PLEKHH2: variants seen among roughly 807,000 people sequenced by gnomAD.
PLEKHH2 encodes pleckstrin homology, MyTH4 and FERM domain containing H2, also known as pleckstrin homology domain-containing family H member 2.
PLEKHH2 carries 129 observed loss-of-function variants against 187.9 expected under a neutral mutation model. The observed-to-expected ratio is 0.69, with a 90% CI of 0.59 to 0.79. The LOEUF (loss-of-function observed/expected upper bound fraction) is 0.79, where lower values mean the gene tolerates loss of function less well. PLEKHH2 is among the 30% of genes least tolerant of loss of function. PLEKHH2 has a pLI of 0.00. For synonymous variants in PLEKHH2, 686 were observed against 605.6 expected, an observed-to-expected ratio of 1.13 and a Z score of -1.95; for missense variants, 2,076 against 1,751.2, an observed-to-expected ratio of 1.19 and a Z score of -3.31.
chr2:43,696,605 A>T (rs928942099), intron 6 of PLEKHH2, among the ~76,000 whole-genome samples: 1 of 151,972 alleles, frequency 6.6e-6, no homozygotes, highest in South Asian at 2.1e-4. Context: ...TCTTTAAAGA[A>T]GTGATTAAAG....
At chr2:43,715,117 A>ACCT (rs1670151118) in intron 15 of PLEKHH2, among the ~76,000 whole-genome samples, 1 of 151,926 alleles carries the variant, frequency 6.6e-6, no homozygotes, top group Admixed American at 6.6e-5. Context: ...GTCTACTAAA[A>ACCT]ATACAAAAAT....
chr2:43,743,588 A>G (rs189810016), intron 22 of PLEKHH2, among the ~76,000 whole-genome samples: 101 of 152,334 alleles, frequency 6.6e-4, no homozygotes, highest in Non-Finnish European at 1.1e-3. Flanking sequence ...ATAGCTGTCA[A>G]CTGATCATTC....
In PLEKHH2 at chr2:43,726,275, C is replaced by T; in HGVS notation, c.2545C>T (p.Pro849Ser). ...YYFRSQEDKF[P>S]LGQIKLWEAK... Reference sequence around the variant, plus strand: ...CAATTACTAATATTTACTTTAGTTTCCTTTAGGTCAGATCAAACTCTGGGA... The same window carrying T: ...CAATTACTAATATTTACTTTAGTTTTCTTTAGGTCAGATCAAACTCTGGGA... Residue 849 changes from proline (P) to serine (S), a missense_variant, in exon 17 of 30, where the codon CCT (proline) becomes TCT (serine). Coordinates refer to ENST00000282406, the MANE Select transcript of PLEKHH2 (RefSeq NM_172069.4). 3 of 1,600,718 alleles carry T rather than the reference C, an allele frequency of 1.9e-6. No homozygotes were observed. Among genetic ancestry groups the T allele is most frequent in the Non-Finnish European group, 1.7e-6 (2 of 1,168,660 alleles).
At chr2:43,672,408 A>C (rs575248436) in intron 2 of PLEKHH2, among the ~76,000 whole-genome samples, 39 of 151,462 alleles carry the variant, frequency 2.6e-4, no homozygotes, top group Admixed American at 1.6e-3. Context: ...TTAGTTTTTA[A>C]ATTTCTGTTG....
intron 2 of PLEKHH2, among the ~76,000 whole-genome samples, chr2:43,678,504 TG>T (rs1667983354): frequency 6.6e-6 from 1 of 152,120 alleles, no homozygotes; most frequent in Admixed American, 6.5e-5. Context: ...GGTTAGGAGC[TG>T]GAGACCAGCC....
intron 9 of PLEKHH2, among the ~76,000 whole-genome samples, chr2:43,704,307 C>T (rs1271496043): frequency 6.6e-6 from 1 of 152,008 alleles, no homozygotes; most frequent in South Asian, 2.1e-4. Context: ...TGAAAAAGTT[C>T]TAGAGGTCTG....
chr2:43,723,386 A>G lies in PLEKHH2; in HGVS notation c.2541+2637A>G, dbSNP rs190215445. Among the ~76,000 whole-genome samples, 407 of 152,344 alleles carry G rather than the reference A, an allele frequency of 2.7e-3. 1 individual carries two copies. The highest frequency in any genetic ancestry group is 9.5e-3 in the African/African-American group (394 of 41,586). On this transcript the variant is annotated intron_variant, in intron 16 of 29. Coordinates refer to ENST00000282406, the MANE Select transcript of PLEKHH2 (RefSeq NM_172069.4). ...CTCCAAGACATAAAGGTGAACACTTATACACCAAACTGGACAAAGTGTAGT... is the reference window on the plus strand; with the variant it reads ...CTCCAAGACATAAAGGTGAACACTTGTACACCAAACTGGACAAAGTGTAGT...
chr2:43,710,874 G>T, intron 14 of PLEKHH2: 2 of 1,142,182 alleles, frequency 1.8e-6, no homozygotes, highest in Non-Finnish European at 2.1e-6. Context: ...CTATTTTAAG[G>T]AAGGGTTATC....
At chr2:43,749,452 T>C (rs1383887774) in intron 24 of PLEKHH2, among the ~76,000 whole-genome samples, 1 of 152,196 alleles carries the variant, frequency 6.6e-6, no homozygotes, top group Non-Finnish European at 1.5e-5. Context: ...GTACATGTTC[T>C]CAGGACCTCC....
At chr2:43,711,557 ATTT>A in intron 14 of PLEKHH2, 1 of 973,476 alleles carries the variant, frequency 1.0e-6, no homozygotes, top group Non-Finnish European at 1.2e-6. Flanking sequence ...AAACTATGCT[ATTT>A]TATTATAGTC....
At chr2:43,744,197 A>G in intron 23 of PLEKHH2, 1 of 1,107,164 alleles carries the variant, frequency 9.0e-7, no homozygotes, top group Non-Finnish European at 1.2e-6. Flanking sequence ...CACATTCCAT[A>G]TTAAAGAGAG....
chr2:43,689,009 C>G (rs1357704887), intron 3 of PLEKHH2, among the ~76,000 whole-genome samples: 3 of 152,122 alleles, frequency 2.0e-5, no homozygotes, highest in Non-Finnish European at 2.9e-5. Flanking sequence ...CAGGTGAACA[C>G]AAAAACAGGC....
At chr2:43,690,081 G>T (rs956527399) in intron 3 of PLEKHH2, among the ~76,000 whole-genome samples, 21 of 152,248 alleles carry the variant, frequency 1.4e-4, no homozygotes, top group African/African-American at 4.6e-4. Flanking sequence ...TATCATTTTG[G>T]ACTTGGGCTC....
chr2:43,671,788 C>G (rs2888880), intron 2 of PLEKHH2, among the ~76,000 whole-genome samples: 69,256 of 152,020 alleles, frequency 0.46, 16,352 homozygotes, highest in Non-Finnish European at 0.51. Context: ...ACCTTGCATT[C>G]CTAGGATAAA....
At chr2:43,651,821 G>T (rs1299520793) in intron 2 of PLEKHH2, among the ~76,000 whole-genome samples, 1 of 152,064 alleles carries the variant, frequency 6.6e-6, no homozygotes, top group Non-Finnish European at 1.5e-5. Flanking sequence ...GAAAGTTCCT[G>T]GTTCCTAAAC....
At position 43,695,201 on chromosome 2, in the gene PLEKHH2, G is replaced by C; in HGVS notation, c.479G>C (p.Arg160Thr). ...AACCAAAACCAAACTGAAGAGATAA[G>C]AACAATGCAGTCAAAACTACAAGGT... Reference protein sequence around the residue: ...LINQNQTEEIRTMQSKLQEVQ... With the variant: ...LINQNQTEEITTMQSKLQEVQ... The change falls in exon 6 of 30, where the codon AGA becomes ACA. Residue 160 changes from arginine to threonine, a missense_variant. By Grantham distance (71) the Arg-to-Thr change is moderately conservative (BLOSUM62 -1). Transcript: ENST00000282406. The C allele has an allele frequency of 6.3e-7, 1 of 1,591,184 alleles. No individual in the cohort carries two copies. Among genetic ancestry groups the C allele is most frequent in the Non-Finnish European group, 8.6e-7 (1 of 1,165,366 alleles).
At chr2:43,652,221 G>T (rs1318299697) in intron 2 of PLEKHH2, among the ~76,000 whole-genome samples, 1 of 152,162 alleles carries the variant, frequency 6.6e-6, no homozygotes, top group Admixed American at 6.5e-5. Context: ...TTGGCAGATG[G>T]GTTTAAGAGA....
intron 6 of PLEKHH2, among the ~76,000 whole-genome samples, chr2:43,695,481 A>T (rs1669042490): frequency 6.6e-6 from 1 of 152,218 alleles, no homozygotes; most frequent in Non-Finnish European, 1.5e-5. Flanking sequence ...ATGACCAAAT[A>T]CTAATTTTGC....
chr2:43,645,388 A>G (rs1043678914), intron 2 of PLEKHH2, among the ~76,000 whole-genome samples: 1 of 152,102 alleles, frequency 6.6e-6, no homozygotes, highest in African/African-American at 2.4e-5. Flanking sequence ...TTTGAGGGCT[A>G]ATTATGTGTT....
Sources: allele counts gnomAD v4.1 joint callset (sites outside exome capture counted in the v4.1 genomes callset), GRCh38; gene constraint gnomAD v4.1.1; transcripts MANE v1.5; gene names NCBI Gene and HGNC (gene_info 2026-07-23, HGNC 2026-07-21).